The following ZFYVE26 variants were observed in gnomAD, a reference collection of about 807,000 sequenced individuals.
ZFYVE26 encodes zinc finger FYVE domain-containing protein 26.
A neutral mutation model predicts 276.5 loss-of-function variants in ZFYVE26; 181 were observed. The ratio of observed to expected loss-of-function variants is 0.65; its 90% CI spans 0.58 to 0.74. ZFYVE26 has a LOEUF of 0.74. Among genes scored for constraint, ZFYVE26 ranks in the 30% least tolerant of loss-of-function variants. ZFYVE26 has a pLI of 0.00. For missense variants in ZFYVE26, 2,821 were observed against 3,097.9 expected (o/e 0.91, Z 2.12); for synonymous variants, 1,129 against 1,203.1 (o/e 0.94, Z 1.27).
chr14:67,804,298 C>CAGTTT, intron 8 of ZFYVE26, 34 bp from the exon 9 acceptor site: 1 of 1,611,306 alleles, frequency 6.2e-7, no homozygotes, highest in African/African-American at 1.3e-5. Flanking sequence ...GGAAGAGAGG[C>CAGTTT]AGTTTATATT....
intron 39 of ZFYVE26, among the ~76,000 whole-genome samples, chr14:67,752,868 A>G (rs77690312): frequency 0.015 from 2,308 of 152,226 alleles, 42 homozygotes; most frequent in African/African-American, 0.043. Flanking sequence ...TGCCCTGGAC[A>G]CCTGGTGCTC....
In ZFYVE26 at chr14:67,754,139, G is replaced by C; in HGVS notation, c.7060C>G (p.Gln2354Glu). Residue 2354 changes from glutamine to glutamate, a missense_variant, in exon 38 of 42, where the codon CAA becomes GAA. Transcript: ENST00000347230. The part of the protein sequence containing the change: ...LHRCESAGTS[Q>E]ITTLPLPTLF... ...GTTGGCAGAGGCAAAGTGGTGATTT[G>C]AGAGGTCCCAGCACTTTCGCACCGA... The C allele has an allele frequency of 6.2e-7, 1 of 1,614,252 alleles. No individual in the cohort carries two copies. The highest frequency in any genetic ancestry group is 1.1e-5 in the South Asian group (1 of 91,084).
chr14:67,742,844 T>C (rs796220263), downstream of ZFYVE26, among the ~76,000 whole-genome samples: 22,542 of 131,908 alleles, frequency 0.17, 1,172 homozygotes, highest in Middle Eastern at 0.36. Flanking sequence ...TCTTCTTTTT[T>C]TTTTTTTTTT....
intron 13 of ZFYVE26, among the ~76,000 whole-genome samples, chr14:67,738,799 T>C (rs925203425): frequency 1.3e-5 from 2 of 152,306 alleles, no homozygotes; most frequent in East Asian, 3.9e-4. Context: ...CTGTTAGCTG[T>C]CACCCAGTAG....
At chr14:67,802,387 A>C in intron 9 of ZFYVE26, 105 bp from the exon 10 acceptor site, 5 of 1,148,970 alleles carry the variant, frequency 4.4e-6, no homozygotes, top group Non-Finnish European at 6.4e-6. Flanking sequence ...GTCCACTTGT[A>C]GGTTCTTACC....
chr14:67,756,230 A>T, intron 35 of ZFYVE26, 85 bp from the exon 36 acceptor site: 1 of 1,384,242 alleles, frequency 7.2e-7, no homozygotes, highest in Non-Finnish European at 1.0e-6. Context: ...CCTTCTATTG[A>T]TGAACCTTCA....
intron 34 of ZFYVE26, chr14:67,761,879 C>T (rs939364962): frequency 8.8e-5 from 49 of 557,360 alleles, no homozygotes; most frequent in Non-Finnish European, 1.5e-4. Flanking sequence ...ATGGGACAAC[C>T]CCAGTTTCAT....
chr14:67,764,196 C>T (rs953686676), intron 32 of ZFYVE26, among the ~76,000 whole-genome samples: 5 of 152,182 alleles, frequency 3.3e-5, no homozygotes, highest in South Asian at 2.1e-4. Context: ...TCCTGAATCT[C>T]GTCTCATAAC....
Position 67,772,099 on chromosome 14 carries a change from G to A in ZFYVE26, c.5432C>T (p.Pro1811Leu), listed in dbSNP as rs1453291765. Residue 1811 changes from proline (P) to leucine (L), a missense_variant, in exon 28 of 42, where the codon CCG becomes CTG. Physicochemically the swap from Pro to Leu is moderately conservative, Grantham distance 98 (BLOSUM62 -3). Transcript: ENST00000347230. ...ATPPARHQWV[P>L]DETESICMVC... is the part of the protein sequence containing the mutation. ...CATGCAGATACTCTCAGTCTCATCC[G>A]GTACCCACTGGTGCCTGGCAGGGGG... 35 of 1,612,260 alleles carry A rather than the reference G, an allele frequency of 2.2e-5. No homozygotes were observed. The highest frequency in any genetic ancestry group is 2.6e-5 in the Non-Finnish European group (31 of 1,179,542).
rs1026858084 is a variant in ZFYVE26, at chr14:67,729,127, G to A, written n.3288+84C>T. 1.2e-5 allele frequency: 19 copies of A among 1,520,888 alleles called. No homozygotes were observed. In the African/African-American group the frequency reaches 2.5e-4, roughly 20 times the overall value. The allele number at this position is 1,520,888 out of a possible 1,614,324, so 94.2% of individuals were successfully genotyped here. ...TTCTCACTTGTGTATTTTGCTGCAG[G>A]AGATAAGCTGTTTTCCTGGGCTCAG... On this transcript the variant is annotated intron_variant and non_coding_transcript_variant, in intron 14 of 14. Transcript: ENST00000394455.
rs1042688310 is a variant in ZFYVE26 at position 67,762,601 on chromosome 14, T to C, written c.6159+71A>G. ...GACAACTGAGAGACGGCAACACCTG[T>C]TTGCAAGGCTAAGCAAAAGCAACTT... is the stretch of plus-strand genomic sequence containing the variant. On this transcript the variant is annotated intron_variant, in intron 33 of 41. Coordinates refer to ENST00000347230, the MANE Select transcript of ZFYVE26 (RefSeq NM_015346.4). 4.7e-5 allele frequency: 76 copies of C among 1,605,470 alleles called. No homozygotes were observed. In the East Asian group the frequency reaches 9.6e-4, roughly 20 times the overall value.
At chr14:67,753,037 C>G (rs2038690022) in intron 39 of ZFYVE26, among the ~76,000 whole-genome samples, 2 of 152,166 alleles carry the variant, frequency 1.3e-5, no homozygotes, top group African/African-American at 4.8e-5. Flanking sequence ...ACCAGGGTAT[C>G]TGTGTGTGGT....
At chr14:67,772,789 T>C (rs931230983) in intron 27 of ZFYVE26, among the ~76,000 whole-genome samples, 1 of 151,908 alleles carries the variant, frequency 6.6e-6, no homozygotes, top group East Asian at 1.9e-4. Context: ...ACTCCATCTA[T>C]ACAAAAGAAA....
rs2140218992 is a variant in ZFYVE26, at chr14:67,780,307, C to T, written c.4608G>A (p.Trp1536Ter). 1 of 1,613,846 alleles carries T rather than the reference C, an allele frequency of 6.2e-7. No individual in the cohort carries two copies. The highest frequency in any genetic ancestry group is 8.5e-7 in the Non-Finnish European group (1 of 1,179,930). ...CAACACAACAGCTCCTCAAGGTCTG[C>T]CAGTCACACCACACTGGGGGAGACT... ...GLQSPPVWCD[W>*]QTLRSCCVED... Residue 1536 changes from tryptophan (W) to a stop codon, truncating the protein, a stop_gained, in exon 23 of 42, where the codon TGG (tryptophan) becomes TGA (stop). Transcript: ENST00000347230. LOFTEE classifies it high-confidence loss of function.
intron 13 of ZFYVE26, among the ~76,000 whole-genome samples, chr14:67,735,529 C>T (rs1374697997): frequency 1.3e-5 from 2 of 152,232 alleles, no homozygotes; most frequent in African/African-American, 2.4e-5. Context: ...CTGCAACCTT[C>T]GGGGCTGTTT....
chr14:67,747,864 C>T lies in ZFYVE26; in HGVS notation c.*572G>A, dbSNP rs575157595. 9.6e-4 allele frequency: 152 copies of T among 158,360 alleles called. No individual in the cohort carries two copies. Among genetic ancestry groups the T allele is most frequent in the African/African-American group, 3.5e-3 (145 of 41,550 alleles). The allele number at this position is 158,360 out of a possible 1,614,324, so 9.8% of individuals were successfully genotyped here. A position where few individuals can be genotyped will look rare whatever the true frequency, so the allele number is the denominator to read the frequency against. On this transcript the variant is annotated 3_prime_UTR_variant, in exon 42 of 42. Coordinates refer to ENST00000347230, the MANE Select transcript of ZFYVE26 (RefSeq NM_015346.4). Reference sequence around the variant, plus strand: ...ACACCTGGAAAACAGGTTTATTCCACAGGTAGCACTTGCCCCAAAGCCATC... The same window carrying T: ...ACACCTGGAAAACAGGTTTATTCCATAGGTAGCACTTGCCCCAAAGCCATC...
chr14:67,798,588 C>A lies in ZFYVE26; in HGVS notation c.1674G>T (p.Arg558Ser). 1 of 1,614,024 alleles carries A rather than the reference C, an allele frequency of 6.2e-7. No individual in the cohort carries two copies. ...GAATACTGCACAGATACTGTTGACA[C>A]CTGGCCAGGTAAGTTGAGAAGAGAT... ...AANLFSTYLA[R>S]CQQYLCSIPD... The change falls in exon 11 of 42, where the codon AGG becomes AGT. Residue 558 changes from arginine (R) to serine (S), a missense_variant. Transcript: ENST00000347230.
chr14:67,753,583 T>G, intron 39 of ZFYVE26, 124 bp downstream of exon 39: 1 of 1,062,702 alleles, frequency 9.4e-7, no homozygotes, highest in Non-Finnish European at 1.4e-6. Flanking sequence ...ATCCTTGATT[T>G]CATCCCTAAT....
chr14:67,793,943 C>T (rs1038466528), intron 13 of ZFYVE26, among the ~76,000 whole-genome samples, 184 bp from the exon 14 acceptor site: 3 of 152,178 alleles, frequency 2.0e-5, no homozygotes, highest in African/African-American at 7.2e-5. Flanking sequence ...ATAGAAGATG[C>T]TAAGTGCCAA....
Sources: allele counts gnomAD v4.1 joint callset (sites outside exome capture counted in the v4.1 genomes callset), GRCh38; gene constraint gnomAD v4.1.1; transcripts MANE v1.5; gene names NCBI Gene and HGNC (gene_info 2026-07-23, HGNC 2026-07-21).